NUDT2: variants seen among roughly 807,000 people sequenced by gnomAD.
NUDT2 encodes nudix hydrolase 2, also known as bis(5'-nucleosyl)-tetraphosphatase [asymmetrical].
A neutral mutation model predicts 14.2 loss-of-function variants in NUDT2; 12 were observed. The ratio of observed to expected loss-of-function variants is 0.84; its 90% CI spans 0.54 to 1.37. NUDT2 has a LOEUF of 1.37. Ranked by LOEUF, NUDT2 falls within the 40% of genes most tolerant of loss-of-function variation. The pLI is 0.00. For missense variants in NUDT2, 167 were observed against 176.7 expected, an observed-to-expected ratio of 0.95 and a Z score of 0.31; for synonymous variants, 67 against 67.4, an observed-to-expected ratio of 0.99 and a Z score of 0.03.
rs983529725 is a variant in NUDT2 at position 34,338,742 on chromosome 9, A to G, written c.-122A>G. The G allele has an allele frequency of 9.5e-6, 2 of 210,616 alleles. No individual in the cohort carries two copies. The highest frequency in any genetic ancestry group is 1.1e-4 in the Admixed American group (2 of 17,726). The allele number at this position is 210,616 out of a possible 1,614,324, so 13.0% of individuals were successfully genotyped here. A position where few individuals can be genotyped will look rare whatever the true frequency, so the allele number is the denominator to read the frequency against. On this transcript the variant is annotated 5_prime_UTR_variant, in exon 3 of 5. Transcript: ENST00000379158. ...TTTGCTTCTGAGGATCTCCAGTGTC[A>G]CAACAAACACATGCCAGCCCTGTTT...
At chr9:34,337,114 C>G (rs946837131) in intron 2 of NUDT2, among the ~76,000 whole-genome samples, 1 of 151,670 alleles carries the variant, frequency 6.6e-6, no homozygotes, top group African/African-American at 2.4e-5. Flanking sequence ...ATTCTTCTGC[C>G]TCAGCCTCCC....
At chr9:34,333,610 G>A (rs1381592248) in intron 1 of NUDT2, among the ~76,000 whole-genome samples, 1 of 116,858 alleles carries the variant, frequency 8.6e-6, no homozygotes, top group African/African-American at 3.3e-5. Context: ...TCATACCATT[G>A]CCCTCCAGTC....
rs761093477 is a variant in NUDT2, at chr9:34,343,397, C to T, written c.401C>T (p.Ala134Val). The T allele has an allele frequency of 1.5e-5, 24 of 1,610,092 alleles. No individual in the cohort carries two copies. Among genetic ancestry groups the T allele is most frequent in the Non-Finnish European group, 1.9e-5 (22 of 1,177,476 alleles). ...GCTCAGTTCAAGGAGATGAAGGCAG[C>T]GCTCCAAGAAGGACACCAGTTTCTT... Reference protein sequence around the residue: ...QLAQFKEMKAALQEGHQFLCS... With the variant: ...QLAQFKEMKAVLQEGHQFLCS... Residue 134 changes from alanine (A) to valine (V), a missense_variant, in exon 5 of 5, where the codon GCG (alanine) becomes GTG (valine). By Grantham distance (64) the Ala-to-Val change is moderately conservative. Coordinates refer to ENST00000379158, the MANE Select transcript of NUDT2 (RefSeq NM_001161.5).
At chr9:34,331,599 A>G (rs529911998) in intron 1 of NUDT2, among the ~76,000 whole-genome samples, 1 of 152,342 alleles carries the variant, frequency 6.6e-6, no homozygotes, top group East Asian at 1.9e-4. Flanking sequence ...CTGCAGAGGT[A>G]CCTATGGTAG....
At chr9:34,330,550 G>C (rs919384595) in intron 1 of NUDT2, among the ~76,000 whole-genome samples, 2 of 152,268 alleles carry the variant, frequency 1.3e-5, no homozygotes, top group African/African-American at 2.4e-5. Context: ...CTGAGCTATA[G>C]TTCCCTTTCT....
At chr9:34,337,359 C>G (rs575837414) in intron 2 of NUDT2, among the ~76,000 whole-genome samples, 2 of 152,286 alleles carry the variant, frequency 1.3e-5, no homozygotes, top group Non-Finnish European at 2.9e-5. Flanking sequence ...AATGGAATTG[C>G]TGGCTCTTAG....
At chr9:34,337,812 G>A (rs992641590) in intron 2 of NUDT2, among the ~76,000 whole-genome samples, 2 of 152,094 alleles carry the variant, frequency 1.3e-5, no homozygotes, top group Middle Eastern at 3.2e-3. Context: ...TGCCTGTATT[G>A]CCAGCTGCTC....
intron 4 of NUDT2, among the ~76,000 whole-genome samples, chr9:34,339,632 C>G (rs1408940038): frequency 6.6e-6 from 1 of 152,120 alleles, no homozygotes; most frequent in Non-Finnish European, 1.5e-5. Flanking sequence ...TGCTTGAGCC[C>G]AGGAGCTCGA....
chr9:34,333,258 C>A (rs747124531), intron 1 of NUDT2, among the ~76,000 whole-genome samples: 15 of 152,094 alleles, frequency 9.9e-5, no homozygotes, highest in Non-Finnish European at 2.1e-4. Flanking sequence ...CGGCCCTCTC[C>A]CCCCAACTAA....
intron 2 of NUDT2, among the ~76,000 whole-genome samples, chr9:34,338,157 A>T (rs1196918259): frequency 3.9e-4 from 3 of 7,612 alleles, no homozygotes; most frequent in East Asian, 3.5e-3. Context: ...CCTGTTTCTT[A>T]AAAAAAAAAA....
intron 4 of NUDT2, among the ~76,000 whole-genome samples, chr9:34,342,881 C>T: frequency 6.6e-6 from 1 of 151,832 alleles, no homozygotes. Flanking sequence ...AAATAAATAG[C>T]TGGGCATGGT....
rs1184925250 is a variant in NUDT2 at position 34,338,899 on chromosome 9, T to C, written c.-17+52T>C. ...CCATTGGTCCTGGGCATGCTGCCTT[T>C]TTCTGTGGGCTATGAGATCACAGTT... On this transcript the variant is annotated intron_variant, in intron 3 of 4. Coordinates refer to ENST00000379158, the MANE Select transcript of NUDT2 (RefSeq NM_001161.5). 13 of 775,514 alleles carry C rather than the reference T, an allele frequency of 1.7e-5. No homozygotes were observed. The South Asian group carries it at 2.3e-4, about 13-fold the overall frequency. 48.0% of individuals were successfully genotyped at this position (775,514 alleles called of 1,614,324 possible). A position where few individuals can be genotyped will look rare whatever the true frequency, so the allele number is the denominator to read the frequency against.
chr9:34,338,805 T>C lies in NUDT2; in HGVS notation c.-59T>C, dbSNP rs966438524. 2 of 340,896 alleles carry C rather than the reference T, an allele frequency of 5.9e-6. No individual in the cohort carries two copies. Among genetic ancestry groups the C allele is most frequent in the South Asian group, 6.2e-5 (1 of 16,004 alleles). The allele number at this position is 340,896 out of a possible 1,614,324, so 21.1% of individuals were successfully genotyped here. On this transcript the variant is annotated 5_prime_UTR_variant, in exon 3 of 5. Coordinates refer to ENST00000379158, the MANE Select transcript of NUDT2 (RefSeq NM_001161.5). ...TGGAGGAGTTGGGATAGAGGCCACA[T>C]TGACTGAGGGTAGTTGCCAGGGTCC...
intron 4 of NUDT2, among the ~76,000 whole-genome samples, chr9:34,340,889 G>A (rs1820168050): frequency 6.6e-6 from 1 of 152,050 alleles, no homozygotes; most frequent in African/African-American, 2.4e-5. Context: ...TATTGCCCAG[G>A]CTGGTCTTGA....
intron 1 of NUDT2, among the ~76,000 whole-genome samples, chr9:34,334,699 T>C (rs1838041626): frequency 6.6e-6 from 1 of 152,218 alleles, no homozygotes; most frequent in Non-Finnish European, 1.5e-5. Flanking sequence ...TGTTCAGAAC[T>C]GCTGTGCTGG....
At chr9:34,338,196 G>GACTAAAAAAAATC (rs1838142847) in intron 2 of NUDT2, among the ~76,000 whole-genome samples, 1 of 103,418 alleles carries the variant, frequency 9.7e-6, no homozygotes, top group Admixed American at 9.3e-5. Flanking sequence ...TAAAATAAAA[G>GACTAAAAAAAATC]ACTAAAAAAA....
chr9:34,334,713 C>T (rs73494775), intron 1 of NUDT2, among the ~76,000 whole-genome samples: 1 of 152,058 alleles, frequency 6.6e-6, no homozygotes, highest in Non-Finnish European at 1.5e-5. Context: ...GTGCTGGGTC[C>T]CAAGAAAACA....
chr9:34,339,682 A>C (rs937436097), intron 4 of NUDT2, among the ~76,000 whole-genome samples: 7 of 152,092 alleles, frequency 4.6e-5, no homozygotes, highest in East Asian at 1.9e-4. Flanking sequence ...GTCTCTACAA[A>C]AAATACAAAA....
At chr9:34,341,765 C>T (rs1444658024) in intron 4 of NUDT2, among the ~76,000 whole-genome samples, 1 of 152,248 alleles carries the variant, frequency 6.6e-6, no homozygotes, top group African/African-American at 2.4e-5. Flanking sequence ...CCGCCTCGGC[C>T]TCCCAGAGTG....
Sources: gnomAD v4.1 joint callset for allele counts (sites outside exome capture counted in the v4.1 genomes callset) on GRCh38, gnomAD v4.1.1 for gene constraint, MANE v1.5 for transcripts, NCBI Gene and HGNC (gene_info 2026-07-23, HGNC 2026-07-21) for gene names.